NSMCE2: variants seen among roughly 807,000 people sequenced by gnomAD.
NSMCE2 encodes E3 SUMO-protein ligase NSE2.
NSMCE2 carries 24 observed loss-of-function variants against 23.8 expected under a neutral mutation model. That is an observed-to-expected ratio of 1.01 (90% CI 0.73 to 1.42). The LOEUF is 1.42. NSMCE2 is among the 40% of genes most tolerant of loss of function. NSMCE2 has a pLI of 0.00. For synonymous variants in NSMCE2, 92 were observed against 94.1 expected (o/e 0.98, Z 0.13); for missense variants, 284 against 296.5 (o/e 0.96, Z 0.31).
At chr8:125,226,518 C>T (rs1261167509) in intron 5 of NSMCE2, among the ~76,000 whole-genome samples, 1 of 152,164 alleles carries the variant, frequency 6.6e-6, no homozygotes, top group African/African-American at 2.4e-5. Flanking sequence ...CAGTCAAGAT[C>T]TCATTCGTGA....
Position 125,332,317 on chromosome 8 carries a change from A to G in NSMCE2, c.419-24902A>G, listed in dbSNP as rs1208361392. On this transcript the variant is annotated intron_variant, in intron 5 of 7. Transcript: ENST00000287437. ...GCTGAGTCTTCCTCTTCACTGTTAG[A>G]TATTCTAGAAATTTTGACCTTAGAT... 2.6e-5 allele frequency among the ~76,000 whole-genome samples: 4 copies of G among 152,200 alleles called. 1 individual carries two copies. The highest frequency in any genetic ancestry group is 1.3e-4 in the Admixed American group (2 of 15,282).
intron 7 of NSMCE2, among the ~76,000 whole-genome samples, chr8:125,365,206 G>A (rs985702674): frequency 3.3e-5 from 5 of 152,074 alleles, no homozygotes; most frequent in Admixed American, 3.3e-4. Flanking sequence ...GTTCTGTGCT[G>A]CAGCCTGTTT....
intron 5 of NSMCE2, among the ~76,000 whole-genome samples, chr8:125,201,585 G>A (rs1004179338): frequency 3.9e-5 from 6 of 152,104 alleles, no homozygotes; most frequent in South Asian, 4.1e-4. Flanking sequence ...AGGGGCACCC[G>A]CCTGTATGAG....
At chr8:125,129,122 A>G (rs1461519982) in intron 3 of NSMCE2, among the ~76,000 whole-genome samples, 1 of 152,192 alleles carries the variant, frequency 6.6e-6, no homozygotes, top group South Asian at 2.1e-4. Context: ...ACAAAAGCCT[A>G]TACATGAAAA....
At chr8:125,270,381 C>T (rs1441393915) in intron 5 of NSMCE2, among the ~76,000 whole-genome samples, 1 of 152,190 alleles carries the variant, frequency 6.6e-6, no homozygotes, top group Non-Finnish European at 1.5e-5. Flanking sequence ...ATGAGAATCA[C>T]TTGAACCCAG....
chr8:125,288,964 A>G (rs1828003175), intron 5 of NSMCE2, among the ~76,000 whole-genome samples: 3 of 151,764 alleles, frequency 2.0e-5, no homozygotes. Flanking sequence ...TGCCCAGCTA[A>G]TTTTTTGACT....
At chr8:125,193,702 C>A (rs1823468553) in intron 5 of NSMCE2, among the ~76,000 whole-genome samples, 1 of 152,014 alleles carries the variant, frequency 6.6e-6, no homozygotes, top group Non-Finnish European at 1.5e-5. Flanking sequence ...TGTTGTAAAA[C>A]AAAACAAAAA....
chr8:125,146,923 A>G (rs1820714032), intron 3 of NSMCE2, among the ~76,000 whole-genome samples: 1 of 152,028 alleles, frequency 6.6e-6, no homozygotes, highest in Non-Finnish European at 1.5e-5. Context: ...AAAACAAACT[A>G]CCTAACTCTT....
At chr8:125,341,262 T>G (rs941519456) in intron 5 of NSMCE2, among the ~76,000 whole-genome samples, 6 of 152,208 alleles carry the variant, frequency 3.9e-5, no homozygotes, top group African/African-American at 1.2e-4. Flanking sequence ...GGCTGTAGAT[T>G]ATGCTAGTGA....
At chr8:125,349,524 G>T (rs1812940227) in intron 5 of NSMCE2, among the ~76,000 whole-genome samples, 1 of 151,166 alleles carries the variant, frequency 6.6e-6, no homozygotes, top group African/African-American at 2.4e-5. Flanking sequence ...CAAGGTGGAA[G>T]GATCCCTTGA....
At chr8:125,125,276 A>G (rs1229748322) in intron 3 of NSMCE2, among the ~76,000 whole-genome samples, 2 of 152,214 alleles carry the variant, frequency 1.3e-5, no homozygotes, top group South Asian at 4.1e-4. Flanking sequence ...GCATCTTTCA[A>G]TATTAAGTGT....
intron 5 of NSMCE2, among the ~76,000 whole-genome samples, chr8:125,216,753 A>G (rs1824605916): frequency 6.6e-6 from 1 of 151,888 alleles, no homozygotes; most frequent in Non-Finnish European, 1.5e-5. Flanking sequence ...TCACTCTCTC[A>G]CCTTTGCCTC....
At chr8:125,365,786 G>A (rs752159165) in intron 7 of NSMCE2, among the ~76,000 whole-genome samples, 2 of 152,164 alleles carry the variant, frequency 1.3e-5, no homozygotes, top group Non-Finnish European at 2.9e-5. Flanking sequence ...GAACCCAGGA[G>A]GCGGAAGTTG....
intron 5 of NSMCE2, among the ~76,000 whole-genome samples, chr8:125,290,155 G>A (rs770767577): frequency 1.1e-4 from 16 of 151,924 alleles, no homozygotes; most frequent in Non-Finnish European, 2.9e-5. Flanking sequence ...TTTTCATGAC[G>A]TTAAAAAAAA....
chr8:125,323,259 C>G (rs781642581), intron 5 of NSMCE2, among the ~76,000 whole-genome samples: 7 of 152,164 alleles, frequency 4.6e-5, no homozygotes, highest in Admixed American at 1.3e-4. Flanking sequence ...AAACCACAAT[C>G]AGAATCCCAG....
chr8:125,281,071 T>A (rs923230030), intron 5 of NSMCE2, among the ~76,000 whole-genome samples: 2 of 152,208 alleles, frequency 1.3e-5, no homozygotes, highest in African/African-American at 4.8e-5. Context: ...TGTCTACAAC[T>A]TTTGTGACAG....
At chr8:125,167,315 G>A (rs918460742) in intron 4 of NSMCE2, among the ~76,000 whole-genome samples, 1 of 152,148 alleles carries the variant, frequency 6.6e-6, no homozygotes. Flanking sequence ...AACAGAATAA[G>A]CAGTTAGGGA....
chr8:125,223,750 A>G (rs996121144), intron 5 of NSMCE2, among the ~76,000 whole-genome samples: 2 of 127,618 alleles, frequency 1.6e-5, no homozygotes, highest in African/African-American at 3.0e-5. Flanking sequence ...TTTTCCATAT[A>G]TTTCTTGGCC....
chr8:125,123,051 A>G (rs933185727), intron 3 of NSMCE2, among the ~76,000 whole-genome samples: 2 of 152,252 alleles, frequency 1.3e-5, no homozygotes, highest in African/African-American at 2.4e-5. Context: ...TTAAAATTTC[A>G]TAAAATCAAA....
Sources: gnomAD v4.1 joint callset for allele counts (sites outside exome capture counted in the v4.1 genomes callset) on GRCh38, gnomAD v4.1.1 for gene constraint, MANE v1.5 for transcripts, NCBI Gene and HGNC (gene_info 2026-07-23, HGNC 2026-07-21) for gene names.